ITPR1: variants seen among roughly 807,000 people sequenced by gnomAD.
ITPR1 encodes the protein inositol 1,4,5-trisphosphate receptor type 1.
ITPR1 carries 96 observed loss-of-function variants against 318.4 expected under a neutral mutation model. The observed-to-expected ratio is 0.30, with a 90% CI of 0.26 to 0.36. The LOEUF (loss-of-function observed/expected upper bound fraction) is 0.36. ITPR1 is among the 10% of genes least tolerant of loss of function. ITPR1 has a pLI of 1.00. For synonymous variants in ITPR1, 1,312 were observed against 1,289.9 expected, an observed-to-expected ratio of 1.02 and a Z score of -0.37; for missense variants, 2,440 against 3,460.2, an observed-to-expected ratio of 0.71 and a Z score of 7.40.
intron 21 of ITPR1, 101 bp downstream of exon 21, chr3:4,673,488 T>A: frequency 8.2e-7 from 1 of 1,224,330 alleles, no homozygotes; most frequent in African/African-American, 1.5e-5. Context: ...GAAGTGTTGG[T>A]TTTTTCTTCA....
At chr3:4,575,713 TAAAA>T (rs201350558) in intron 4 of ITPR1, among the ~76,000 whole-genome samples, 1 of 142,448 alleles carries the variant, frequency 7.0e-6, no homozygotes, top group Non-Finnish European at 1.5e-5. Flanking sequence ...ATGTCTTCTT[TAAAA>T]AAAAAAAAAA....
chr3:4,629,319 G>A (rs2092941311), intron 5 of ITPR1, among the ~76,000 whole-genome samples: 1 of 152,024 alleles, frequency 6.6e-6, no homozygotes, highest in Admixed American at 6.6e-5. Context: ...TCTTGAGCTA[G>A]GACTTTGAGC....
chr3:4,589,020 T>G (rs541259622), intron 4 of ITPR1, among the ~76,000 whole-genome samples: 2 of 152,284 alleles, frequency 1.3e-5, no homozygotes, highest in South Asian at 2.1e-4. Context: ...TTGACTGCAC[T>G]TCATAGCAAG....
chr3:4,679,488 C>G (rs2094254045), intron 24 of ITPR1, among the ~76,000 whole-genome samples: 1 of 152,156 alleles, frequency 6.6e-6, no homozygotes, highest in Non-Finnish European at 1.5e-5. Flanking sequence ...CTCTGATGGG[C>G]AGGAGAAGAT....
Position 4,676,726 on chromosome 3 carries a change from T to C in ITPR1, c.2892T>C (p.Asn964=). 1 of 1,613,654 alleles carries C rather than the reference T, an allele frequency of 6.2e-7. No homozygotes were observed. Among genetic ancestry groups the C allele is most frequent in the African/African-American group, 1.3e-5 (1 of 74,934 alleles). Residue 964 remains asparagine (N), a synonymous_variant, in exon 24 of 62, where the codon AAT becomes AAC. Transcript: ENST00000649015. ...CCATGGCTGCTGCCCCTGAAGGCAATGTGAAGCAGGCAGAGCCTGAGAAGG... is the reference window on the plus strand; with the variant it reads ...CCATGGCTGCTGCCCCTGAAGGCAACGTGAAGCAGGCAGAGCCTGAGAAGG... The part of the protein sequence containing the change: ...MTPMAAAPEG[N]VKQAEPEKED...
chr3:4,774,481 C>G (rs1268784417), intron 46 of ITPR1, among the ~76,000 whole-genome samples: 1 of 152,190 alleles, frequency 6.6e-6, no homozygotes, highest in Non-Finnish European at 1.5e-5. Context: ...AAAGAACATA[C>G]ATAATTAATT....
chr3:4,817,375 A>T (rs1050419275), intron 59 of ITPR1: 6 of 152,256 alleles, frequency 3.9e-5, no homozygotes, highest in Admixed American at 3.9e-4. Flanking sequence ...TACACAGCAC[A>T]TGTATCTGCA....
Position 4,747,139 on chromosome 3 carries a change from G to T in ITPR1, c.5544+11785G>T, listed in dbSNP as rs141702787. Among the ~76,000 whole-genome samples, 1,394 of 152,338 alleles carry T rather than the reference G, an allele frequency of 9.2e-3. 36 individuals carry two copies. Among genetic ancestry groups the T allele is most frequent in the African/African-American group, 0.032 (1,323 of 41,578 alleles). On this transcript the variant is annotated intron_variant, in intron 44 of 61. Coordinates refer to ENST00000649015, the MANE Select transcript of ITPR1 (RefSeq NM_001378452.1). ...TGTCAACTTGGAGAAATAGCCTTAT[G>T]ATGGCAGCAGTCCTCTTTTCTTCTT...
At position 4,811,410 on chromosome 3, in the gene ITPR1, A is replaced by T; in HGVS notation, c.7418A>T (p.Asp2473Val). Residue 2473 changes from aspartate to valine, a missense_variant, in exon 56 of 62, where the codon GAT becomes GTT. Physicochemically the swap from Asp to Val is radical, Grantham distance 152. Coordinates refer to ENST00000649015, the MANE Select transcript of ITPR1 (RefSeq NM_001378452.1). ...ATAGTGGGCTATCTTTTCTTCAAGG[A>T]TGACTTTATCTTGGAAGTAGATAGG... is the stretch of plus-strand genomic sequence containing the variant. ...FSIVGYLFFK[D>V]DFILEVDRLP... The T allele has an allele frequency of 6.2e-7, 1 of 1,613,990 alleles. No individual in the cohort carries two copies. Among genetic ancestry groups the T allele is most frequent in the Non-Finnish European group, 8.5e-7 (1 of 1,179,874 alleles).
chr3:4,670,434 A>G (rs1484799867), intron 19 of ITPR1, among the ~76,000 whole-genome samples: 1 of 152,160 alleles, frequency 6.6e-6, no homozygotes. Context: ...AATGTTCAGC[A>G]GCATCCCTGG....
At chr3:4,722,070 G>A (rs1345649890) in intron 40 of ITPR1, among the ~76,000 whole-genome samples, 2 of 152,208 alleles carry the variant, frequency 1.3e-5, no homozygotes, top group South Asian at 2.1e-4. Flanking sequence ...ACCATAATGA[G>A]GGCCTGATTC....
At chr3:4,812,892 T>C in intron 56 of ITPR1, among the ~76,000 whole-genome samples, 1 of 152,224 alleles carries the variant, frequency 6.6e-6, no homozygotes, top group East Asian at 1.9e-4. Context: ...CTGTTTGTCT[T>C]TAAAGTTGGA....
chr3:4,717,730 G>A (rs2041874842), intron 40 of ITPR1, among the ~76,000 whole-genome samples: 1 of 152,140 alleles, frequency 6.6e-6, no homozygotes, highest in African/African-American at 2.4e-5. Context: ...TTTTGAAATT[G>A]GCCTAAAGAA....
intron 4 of ITPR1, among the ~76,000 whole-genome samples, chr3:4,568,208 C>A (rs940303080): frequency 6.6e-6 from 1 of 152,112 alleles, no homozygotes; most frequent in Non-Finnish European, 1.5e-5. Flanking sequence ...TTGTGGAGAA[C>A]CTCAGAAGAC....
chr3:4,593,772 G>T (rs2090579161), intron 4 of ITPR1, among the ~76,000 whole-genome samples: 1 of 152,196 alleles, frequency 6.6e-6, no homozygotes, highest in African/African-American at 2.4e-5. Context: ...CAGTGCAAAA[G>T]AAACATGAGA....
chr3:4,740,393 G>C (rs2043613142), intron 44 of ITPR1, among the ~76,000 whole-genome samples: 1 of 152,200 alleles, frequency 6.6e-6, no homozygotes, highest in African/African-American at 2.4e-5. Context: ...CCTGCCTTAG[G>C]ATAAGCTCAC....
At chr3:4,840,500 TC>T (rs1256174440) in intron 61 of ITPR1, among the ~76,000 whole-genome samples, 1 of 152,194 alleles carries the variant, frequency 6.6e-6, no homozygotes, top group Non-Finnish European at 1.5e-5. Flanking sequence ...ATTTTCTGAT[TC>T]AAAAACCAGC....
Position 4,846,248 on chromosome 3 carries a change from A to G in ITPR1, c.*23A>G, listed in dbSNP as rs1288393252. The G allele has an allele frequency of 1.4e-6, 2 of 1,461,478 alleles. No homozygotes were observed. Among genetic ancestry groups the G allele is most frequent in the East Asian group, 4.9e-5 (2 of 40,564 alleles). The allele number at this position is 1,461,478 out of a possible 1,614,324, so 90.5% of individuals were successfully genotyped here. ...TAAGCAAATGAAAGAAAGGAATTGT[A>G]TTTACCTTTTATAATTATTATTAGT... On this transcript the variant is annotated 3_prime_UTR_variant, in exon 62 of 62. Coordinates refer to ENST00000649015, the MANE Select transcript of ITPR1 (RefSeq NM_001378452.1).
At chr3:4,593,914 G>A (rs573970520) in intron 4 of ITPR1, among the ~76,000 whole-genome samples, 1,893 of 152,250 alleles carry the variant, frequency 0.012, 43 homozygotes, top group African/African-American at 0.043. Flanking sequence ...TTTCTGGTTG[G>A]GAAAGGAGAT....
Sources: gnomAD v4.1 joint callset for allele counts (sites outside exome capture counted in the v4.1 genomes callset) on GRCh38, gnomAD v4.1.1 for gene constraint, MANE v1.5 for transcripts, NCBI Gene and HGNC (gene_info 2026-07-23, HGNC 2026-07-21) for gene names.